Variants in NXN observed in about 807,000 individuals in gnomAD.
NXN encodes nucleoredoxin, also known as nucleoredoxin 1.
NXN carries 16 observed loss-of-function variants against 48.6 expected under a neutral mutation model. The observed-to-expected ratio is 0.33, with a 90% CI of 0.22 to 0.50. The LOEUF is 0.50. NXN is among the 20% of genes least tolerant of loss of function. The pLI is 0.98. For synonymous variants in NXN, 281 were observed against 269.6 expected, an observed-to-expected ratio of 1.04 and a Z score of -0.41; for missense variants, 492 against 605.5, an observed-to-expected ratio of 0.81 and a Z score of 1.97.
At chr17:809,785 C>T (rs189245466) in intron 5 of NXN, among the ~76,000 whole-genome samples, 6 of 152,380 alleles carry the variant, frequency 3.9e-5, no homozygotes, top group East Asian at 3.9e-4. Flanking sequence ...AACTGCCGAG[C>T]GCACAGTGCC....
intron 1 of NXN, among the ~76,000 whole-genome samples, chr17:955,314 T>A (rs752154485): frequency 6.6e-6 from 1 of 151,790 alleles, no homozygotes; most frequent in East Asian, 2.0e-4. Flanking sequence ...ATTACAGGCA[T>A]GCGCCACCAC....
rs139143485 is a variant in NXN, at chr17:803,470, G to A, written c.1125+212C>T. 4.8e-4 allele frequency among the ~76,000 whole-genome samples: 73 copies of A among 152,340 alleles called. 1 individual carries two copies. In the East Asian group the frequency reaches 8.9e-3, roughly 19 times the overall value. ...GGCTCCCTGCTGACCTGAGGCTGCC[G>A]AGCATGGACGGGAAGAGGAAGCAGC... On this transcript the variant is annotated intron_variant, in intron 7 of 7. Coordinates refer to ENST00000336868, the MANE Select transcript of NXN (RefSeq NM_022463.5).
intron 5 of NXN, among the ~76,000 whole-genome samples, chr17:810,224 C>T (rs1407451500): frequency 1.3e-4 from 9 of 69,418 alleles, no homozygotes; most frequent in East Asian, 1.1e-3. Context: ...GTTACGAGTC[C>T]GTGTGAGTGG....
chr17:886,756 C>T (rs922625148), intron 1 of NXN, among the ~76,000 whole-genome samples: 36 of 146,152 alleles, frequency 2.5e-4, no homozygotes, highest in Non-Finnish European at 1.3e-4. Flanking sequence ...CCAACCTGGG[C>T]GACAGAGTGA....
At chr17:926,499 TTTCTC>T (rs1567504120) in intron 1 of NXN, among the ~76,000 whole-genome samples, 2 of 151,340 alleles carry the variant, frequency 1.3e-5, no homozygotes, top group Non-Finnish European at 2.9e-5. Context: ...TCCCCTCTCT[TTTCTC>T]TTTATTAACA....
chr17:954,232 T>A (rs928921790), intron 1 of NXN, among the ~76,000 whole-genome samples: 4 of 151,762 alleles, frequency 2.6e-5, no homozygotes, highest in Admixed American at 1.3e-4. Context: ...ACAAAAAAAC[T>A]TAGCCAGGTG....
At position 960,788 on chromosome 17, in the gene NXN, A is replaced by ATT. The variant is rs1159400723; in HGVS notation, c.360+18529_360+18530dup. Among the ~76,000 whole-genome samples, 391 of 138,184 alleles carry ATT rather than the reference A, an allele frequency of 2.8e-3. 6 individuals are homozygous for ATT. Among genetic ancestry groups the ATT allele is most frequent in the African/African-American group, 9.3e-3 (354 of 37,922 alleles). 90.7% of individuals were successfully genotyped at this position (138,184 alleles called of 152,430 possible). A position where few individuals can be genotyped will look rare whatever the true frequency, so the allele number is the denominator to read the frequency against. On this transcript the variant is annotated intron_variant, in intron 1 of 7. Coordinates refer to ENST00000336868, the MANE Select transcript of NXN (RefSeq NM_022463.5). ...CCACCACGCCTGGCCAATTAACTCG[A>ATT]TTTTTTTTTTTTTTTGAGATGGTGT...
chr17:843,564 G>A (rs1567829470), intron 1 of NXN, among the ~76,000 whole-genome samples: 1 of 152,230 alleles, frequency 6.6e-6, no homozygotes, highest in African/African-American at 2.4e-5. Context: ...GGCCATATGT[G>A]CTCAGGAGAG....
intron 1 of NXN, among the ~76,000 whole-genome samples, chr17:842,974 G>GAGAA (rs1313325493): frequency 9.7e-6 from 1 of 102,762 alleles, no homozygotes; most frequent in Non-Finnish European, 2.1e-5. Context: ...GAGAGAAAGA[G>GAGAA]AGAAAGAGAG....
intron 1 of NXN, among the ~76,000 whole-genome samples, chr17:971,391 T>G (rs1017283960): frequency 6.6e-6 from 1 of 152,058 alleles, no homozygotes; most frequent in African/African-American, 2.4e-5. Context: ...ATTTGCTCAT[T>G]TAGTCCTCTT....
intron 1 of NXN, among the ~76,000 whole-genome samples, chr17:855,917 G>A (rs1208491912): frequency 1.3e-5 from 2 of 152,120 alleles, no homozygotes; most frequent in African/African-American, 4.8e-5. Flanking sequence ...AATCTAGGCC[G>A]GGTGCCGTGG....
At chr17:831,465 ATTTATTTATTTAT>A (rs1248960207) in intron 1 of NXN, among the ~76,000 whole-genome samples, 1 of 68,616 alleles carries the variant, frequency 1.5e-5, no homozygotes, top group Admixed American at 1.7e-4. Context: ...TCATTTATTT[ATTTATTTATTTAT>A]TTATTATTTT....
At chr17:944,059 G>GTA (rs1567512829) in intron 1 of NXN, among the ~76,000 whole-genome samples, 1 of 151,800 alleles carries the variant, frequency 6.6e-6, no homozygotes, top group Non-Finnish European at 1.5e-5. Context: ...CCAACATGAC[G>GTA]AAACCCCGTC....
At chr17:817,826 C>A (rs1217903163) in intron 5 of NXN, among the ~76,000 whole-genome samples, 3 of 152,128 alleles carry the variant, frequency 2.0e-5, no homozygotes, top group Admixed American at 6.5e-5. Context: ...AAGCATCTGC[C>A]ACTAATGATA....
chr17:971,477 G>A (rs956105592), intron 1 of NXN, among the ~76,000 whole-genome samples: 3 of 151,406 alleles, frequency 2.0e-5, no homozygotes, highest in Non-Finnish European at 3.0e-5. Flanking sequence ...TTGGGAGGCC[G>A]AGGCAGGTGG....
intron 1 of NXN, among the ~76,000 whole-genome samples, chr17:944,372 G>T (rs188012025): frequency 6.6e-6 from 1 of 152,116 alleles, no homozygotes; most frequent in Non-Finnish European, 1.5e-5. Flanking sequence ...GATCAAATAC[G>T]CTTCTCTGAC....
chr17:823,568 G>A lies in NXN; in HGVS notation c.612+64C>T, dbSNP rs945148548. On this transcript the variant is annotated intron_variant, in intron 3 of 7. Coordinates refer to ENST00000336868, the MANE Select transcript of NXN (RefSeq NM_022463.5). Reference sequence around the variant, plus strand: ...GTCTCACCCCCAGAAGCCAACCACAGCTGGGCCTGCTGGGAACATCACTGC... The same window carrying A: ...GTCTCACCCCCAGAAGCCAACCACAACTGGGCCTGCTGGGAACATCACTGC... 6 of 1,592,478 alleles carry A rather than the reference G, an allele frequency of 3.8e-6. No homozygotes were observed. The Admixed American group carries it at 1.0e-4, about 27-fold the overall frequency.
chr17:890,632 C>T (rs1034734642), intron 1 of NXN, among the ~76,000 whole-genome samples: 4 of 152,084 alleles, frequency 2.6e-5, no homozygotes, highest in African/African-American at 7.2e-5. Flanking sequence ...CCGCCCACCT[C>T]GGCCGCCCAA....
chr17:873,794 A>G (rs1200132808), intron 1 of NXN, among the ~76,000 whole-genome samples: 1 of 152,186 alleles, frequency 6.6e-6, no homozygotes, highest in Non-Finnish European at 1.5e-5. Flanking sequence ...CTTAATTTAA[A>G]CCATTTCCCT....
Sources: gnomAD v4.1 joint callset for allele counts (sites outside exome capture counted in the v4.1 genomes callset) on GRCh38, gnomAD v4.1.1 for gene constraint, MANE v1.5 for transcripts, NCBI Gene and HGNC (gene_info 2026-07-23, HGNC 2026-07-21) for gene names.